KIRREL3: variants seen among roughly 807,000 people sequenced by gnomAD.
The protein encoded by KIRREL3 is kin of IRRE-like protein 3.
In KIRREL3, 36 loss-of-function variants were observed where a neutral mutation model predicts 89.7. That is an observed-to-expected ratio of 0.40 (90% CI 0.31 to 0.53). The LOEUF (loss-of-function observed/expected upper bound fraction) is 0.53, where lower values mean the gene tolerates loss of function less well. KIRREL3 is among the 20% of genes least tolerant of loss of function. KIRREL3 has a pLI of 0.49. For synonymous variants in KIRREL3, 445 were observed against 441.4 expected (o/e 1.01, Z -0.10); for missense variants, 864 against 1,056.6 (o/e 0.82, Z 2.53).
At chr11:126,875,262 GA>G (rs1013734328) in intron 1 of KIRREL3, among the ~76,000 whole-genome samples, 1 of 151,478 alleles carries the variant, frequency 6.6e-6, no homozygotes, top group Admixed American at 6.6e-5. Context: ...GGGACAAAAT[GA>G]AAAAAAACAC....
In KIRREL3 at chr11:126,463,177, G is replaced by A. The variant is rs372786849; in HGVS notation, c.722C>T (p.Ser241Leu). Residue 241 changes from serine to leucine, a missense_variant, in exon 6 of 17, where the codon TCG (serine) becomes TTG (leucine). Coordinates refer to ENST00000525144, the MANE Select transcript of KIRREL3 (RefSeq NM_032531.4). The surrounding 1 kb of genome is among the most constrained non-coding windows in gnomAD (Gnocchi z 5.9). ...CTCACGCTGGATGTCAATGGTGACC[G>A]ACGTCTCCTTTCCTCCGGGGATGGC... ...NKAIPGGKET[S>L]VTIDIQHPPL... The A allele has an allele frequency of 1.9e-5, 30 of 1,613,658 alleles. No individual in the cohort carries two copies. Among genetic ancestry groups the A allele is most frequent in the East Asian group, 1.3e-4 (6 of 44,874 alleles).
intron 1 of KIRREL3, among the ~76,000 whole-genome samples, chr11:126,853,013 G>A (rs1944391789): frequency 6.6e-6 from 1 of 152,128 alleles, no homozygotes; most frequent in Non-Finnish European, 1.5e-5. Flanking sequence ...GTCACTAAAA[G>A]CTCACAGCAG....
chr11:126,851,010 C>G (rs1323460244), intron 1 of KIRREL3, among the ~76,000 whole-genome samples: 1 of 152,198 alleles, frequency 6.6e-6, no homozygotes, highest in Non-Finnish European at 1.5e-5. Context: ...AAAGTTCAGC[C>G]AATTAATATG....
intron 1 of KIRREL3, among the ~76,000 whole-genome samples, chr11:126,822,322 C>G (rs1254385583): frequency 6.6e-6 from 1 of 152,186 alleles, no homozygotes; most frequent in Admixed American, 6.5e-5. Context: ...AGTATGTTCT[C>G]AAACATAACT....
At chr11:126,926,749 T>A (rs1291245160) in intron 1 of KIRREL3, among the ~76,000 whole-genome samples, 1 of 152,172 alleles carries the variant, frequency 6.6e-6, no homozygotes, top group Non-Finnish European at 1.5e-5. Context: ...CATGGAAACC[T>A]CTGACGTTGG....
In KIRREL3 at chr11:126,876,662, C is replaced by A. The variant is rs1341662436; in HGVS notation, c.55+123793G>T. Among the ~76,000 whole-genome samples the A allele has an allele frequency of 2.0e-5, 3 of 151,842 alleles. No homozygotes were observed. The highest frequency in any genetic ancestry group is 7.3e-5 in the African/African-American group (3 of 41,330). On this transcript the variant is annotated intron_variant, in intron 1 of 16. Transcript: ENST00000525144. The surrounding 1 kb of genome is among the most constrained non-coding windows in gnomAD (Gnocchi z 4.1). ...AAGCAATTGTCCTGCCTCAGCCTTCCAAGTAGCTGGGATTACAGGCACCTG... is the reference window on the plus strand; with the variant it reads ...AAGCAATTGTCCTGCCTCAGCCTTCAAAGTAGCTGGGATTACAGGCACCTG...
rs377408718 is a variant in KIRREL3, at chr11:126,724,410, T to G, written c.56-161498A>C. On this transcript the variant is annotated intron_variant, in intron 1 of 16. Coordinates refer to ENST00000525144, the MANE Select transcript of KIRREL3 (RefSeq NM_032531.4). The surrounding 1 kb of genome is among the most constrained non-coding windows in gnomAD (Gnocchi z 4.3). ...TTATTGTCATAGCTTGTATCTCTTA[T>G]GGACAAGATGCAGAGTGAGTGAGCC... Among the ~76,000 whole-genome samples the G allele has an allele frequency of 2.6e-5, 4 of 152,144 alleles. No individual in the cohort carries two copies. In the East Asian group the frequency reaches 7.7e-4, roughly 29 times the overall value.
At chr11:126,762,667 A>G (rs1219057556) in intron 1 of KIRREL3, among the ~76,000 whole-genome samples, 1 of 152,036 alleles carries the variant, frequency 6.6e-6, no homozygotes, top group East Asian at 1.9e-4. Context: ...TCTTCTGTGT[A>G]CCTCCTGATG....
chr11:126,449,240 A>T (rs1955937001), intron 7 of KIRREL3, 83 bp from the exon 8 acceptor site: 1 of 1,511,052 alleles, frequency 6.6e-7, no homozygotes, highest in African/African-American at 1.4e-5. Flanking sequence ...TCCCATGGAA[A>T]AATGAGGCCT....
rs1275892071 is a variant in KIRREL3, at chr11:126,643,530, A to G, written c.56-80618T>C. Reference sequence around the variant, plus strand: ...GGTGACTAGTGGGAAATAGGACTGAAGATGTAGGCTGAGGCGATATCATGG... The same window carrying G: ...GGTGACTAGTGGGAAATAGGACTGAGGATGTAGGCTGAGGCGATATCATGG... On this transcript the variant is annotated intron_variant, in intron 1 of 16. Transcript: ENST00000525144. The surrounding 1 kb of genome is among the most constrained non-coding windows in gnomAD (Gnocchi z 4.5). Among the ~76,000 whole-genome samples, 1 of 152,188 alleles carries G rather than the reference A, an allele frequency of 6.6e-6. No individual in the cohort carries two copies. Among genetic ancestry groups the G allele is most frequent in the Non-Finnish European group, 1.5e-5 (1 of 68,030 alleles).
chr11:126,978,292 G>C lies in KIRREL3; in HGVS notation c.55+22163C>G, dbSNP rs952418410. Among the ~76,000 whole-genome samples the C allele has an allele frequency of 6.6e-6, 1 of 152,124 alleles. No homozygotes were observed. Among genetic ancestry groups the C allele is most frequent in the Non-Finnish European group, 1.5e-5 (1 of 68,032 alleles). The stretch of plus-strand genomic sequence containing the variant: ...CCAACATTCTTCCTGTGTCAGATCT[G>C]TCCTCCCCTGTGGTGGGCGTGTTCT... On this transcript the variant is annotated intron_variant, in intron 1 of 16. Transcript: ENST00000525144. The surrounding 1 kb of genome is among the most constrained non-coding windows in gnomAD (Gnocchi z 4.2).
chr11:126,491,017 G>C lies in KIRREL3; in HGVS notation c.434-17551C>G, dbSNP rs1382590994. 1.3e-5 allele frequency among the ~76,000 whole-genome samples: 2 copies of C among 152,206 alleles called. No individual in the cohort carries two copies. The highest frequency in any genetic ancestry group is 2.9e-5 in the Non-Finnish European group (2 of 68,036). ...TGTTGTCTCTTTGGAGAATGGGGCA[G>C]GGCTCTGTCTGGATTTTGGGTCCAT... On this transcript the variant is annotated intron_variant, in intron 4 of 16. Transcript: ENST00000525144. The surrounding 1 kb of genome is among the most constrained non-coding windows in gnomAD (Gnocchi z 5.5).
chr11:126,630,490 G>A (rs1295060069), intron 1 of KIRREL3, among the ~76,000 whole-genome samples: 1 of 152,184 alleles, frequency 6.6e-6, no homozygotes, highest in African/African-American at 2.4e-5. Context: ...TGAAGACCTG[G>A]CTTCAAGGAT....
chr11:126,794,587 G>C lies in KIRREL3; in HGVS notation c.55+205868C>G, dbSNP rs1010208463. On this transcript the variant is annotated intron_variant, in intron 1 of 16. Transcript: ENST00000525144. Reference sequence around the variant, plus strand: ...GTATTACAAAAATATTTTAACCTGGGTGTTTTCAGAAAGTTAATTACAACC... The same window carrying C: ...GTATTACAAAAATATTTTAACCTGGCTGTTTTCAGAAAGTTAATTACAACC... Among the ~76,000 whole-genome samples, 14 of 152,290 alleles carry C rather than the reference G, an allele frequency of 9.2e-5. 1 individual carries two copies. Among genetic ancestry groups the C allele is most frequent in the African/African-American group, 3.1e-4 (13 of 41,542 alleles).
intron 1 of KIRREL3, among the ~76,000 whole-genome samples, chr11:126,702,875 C>A (rs370491312): frequency 6.6e-6 from 1 of 152,218 alleles, no homozygotes; most frequent in Middle Eastern, 3.2e-3. Flanking sequence ...CCAAGTTGTT[C>A]CCAGGAGGAG....
chr11:126,835,654 G>C (rs1468806050), intron 1 of KIRREL3, among the ~76,000 whole-genome samples: 6 of 152,182 alleles, frequency 3.9e-5, no homozygotes, highest in Non-Finnish European at 8.8e-5. Context: ...GGGCTCAGAG[G>C]GGGACACAGA....
intron 1 of KIRREL3, among the ~76,000 whole-genome samples, chr11:126,916,597 T>C (rs1250978165): frequency 1.3e-5 from 2 of 152,160 alleles, no homozygotes; most frequent in African/African-American, 4.8e-5. Context: ...AGCCAGGCTG[T>C]GTGATTTAAC....
At chr11:126,956,046 A>G (rs1197585453) in intron 1 of KIRREL3, among the ~76,000 whole-genome samples, 3 of 152,176 alleles carry the variant, frequency 2.0e-5, no homozygotes, top group South Asian at 2.1e-4. Context: ...GTTTTCTGTC[A>G]TTGAGTGACA....
chr11:126,927,978 A>G (rs1377506569), intron 1 of KIRREL3, among the ~76,000 whole-genome samples: 1 of 152,232 alleles, frequency 6.6e-6, no homozygotes, highest in Non-Finnish European at 1.5e-5. Context: ...GAGAATTTCA[A>G]TGAGGAAACA....
Sources: allele counts gnomAD v4.1 joint callset (sites outside exome capture counted in the v4.1 genomes callset), GRCh38; gene constraint gnomAD v4.1.1; non-coding constraint Gnocchi (gnomAD v3.1); transcripts MANE v1.5; gene names NCBI Gene and HGNC (gene_info 2026-07-23, HGNC 2026-07-21).